Variants in DAB2IP observed in about 807,000 individuals in gnomAD.
The protein encoded by DAB2IP is disabled homolog 2-interacting protein.
A neutral mutation model predicts 107.2 loss-of-function variants in DAB2IP; 28 were observed. The observed-to-expected ratio is 0.26, with a 90% CI of 0.19 to 0.36. DAB2IP has a LOEUF of 0.36. DAB2IP is among the 10% of genes least tolerant of loss of function. The probability of loss-of-function intolerance (pLI) is 1.00; values close to 1 mark genes in which losing one functional copy is unlikely to be tolerated. For synonymous variants in DAB2IP, 755 were observed against 706.4 expected, an observed-to-expected ratio of 1.07 and a Z score of -1.09; for missense variants, 1,400 against 1,644.7, an observed-to-expected ratio of 0.85 and a Z score of 2.57.
Position 121,651,892 on chromosome 9 carries a change from T to C in DAB2IP, c.117T>C (p.Pro39=). The change falls in exon 1 of 16, where the codon CCT becomes CCC. Residue 39 remains proline, a synonymous_variant. Coordinates refer to ENST00000408936, the Ensembl canonical transcript of DAB2IP. This position sits in a 1 kb window ranked among gnomAD's most constrained non-coding sequence, Gnocchi z 5.1. ...GCCGCTCCCGCAGCCGGACCCGGCC[T>C]GCCAGGGGTAGGCGCCACCCCGACC... 1 of 1,407,658 alleles carries C rather than the reference T, an allele frequency of 7.1e-7. No homozygotes were observed. The highest frequency in any genetic ancestry group is 9.3e-7 in the Non-Finnish European group (1 of 1,074,330). The allele number at this position is 1,407,658 out of a possible 1,614,324, so 87.2% of individuals were successfully genotyped here. A position where few individuals can be genotyped will look rare whatever the true frequency, so the allele number is the denominator to read the frequency against.
chr9:121,757,312 C>T (rs1293245441), intron 4 of DAB2IP, 146 bp downstream of exon 4: 1 of 1,067,648 alleles, frequency 9.4e-7, no homozygotes, highest in African/African-American at 1.9e-5. Context: ...TTACCGATAG[C>T]TTTCAGCTCC....
chr9:121,592,832 C>A (rs1830444134), intron 1 of DAB2IP, among the ~76,000 whole-genome samples: 1 of 152,120 alleles, frequency 6.6e-6, no homozygotes, highest in Non-Finnish European at 1.5e-5. Flanking sequence ...TGGAAGCTGA[C>A]AAGGAAAAGA....
At chr9:121,759,388 C>G (rs971245979) in intron 5 of DAB2IP, among the ~76,000 whole-genome samples, 1 of 152,174 alleles carries the variant, frequency 6.6e-6, no homozygotes, top group Non-Finnish European at 1.5e-5. Flanking sequence ...CTCTGTGTTC[C>G]CACTGCCCCT....
intron 3 of DAB2IP, among the ~76,000 whole-genome samples, chr9:121,739,969 G>A (rs1832215551): frequency 6.6e-6 from 1 of 152,208 alleles, no homozygotes. Context: ...GGTTCACGGG[G>A]TAGTAAGGCA....
At position 121,773,239 on chromosome 9, in the gene DAB2IP, C is replaced by T. The variant is rs183735294; in HGVS notation, c.2711C>T (p.Thr904Met). The T allele has an allele frequency of 4.3e-4, 660 of 1,552,118 alleles. 5 individuals are homozygous for T. In the South Asian group the frequency reaches 4.5e-3, roughly 11 times the overall value. The change falls in exon 12 of 16, where the codon ACG becomes ATG. Residue 904 changes from threonine (T) to methionine (M), a missense_variant. By Grantham distance (81) the Thr-to-Met change is moderately conservative (BLOSUM62 -1). Transcript: ENST00000408936. ...CTGACTGAAAAAGGCGGGCAGCCCA[C>T]GGTGCCACGGCAGAACAGTGCTGGC...
chr9:121,605,349 T>G (rs1407224398), intron 1 of DAB2IP, among the ~76,000 whole-genome samples: 3 of 152,132 alleles, frequency 2.0e-5, no homozygotes, highest in Non-Finnish European at 4.4e-5. Context: ...GATCTGCTTC[T>G]TAAAAAAAAC....
intron 1 of DAB2IP, among the ~76,000 whole-genome samples, chr9:121,661,761 T>A (rs1396107389): frequency 6.6e-6 from 1 of 152,092 alleles, no homozygotes; most frequent in East Asian, 1.9e-4. Context: ...GGCGGGAGGA[T>A]CACTTGAGGC....
At position 121,760,022 on chromosome 9, in the gene DAB2IP, G is replaced by A. The variant is rs758002004; in HGVS notation, c.753G>A (p.Thr251=). 34 of 1,614,058 alleles carry A rather than the reference G, an allele frequency of 2.1e-5. No homozygotes were observed. Among genetic ancestry groups the A allele is most frequent in the Non-Finnish European group, 2.5e-5 (30 of 1,180,050 alleles). Residue 251 remains threonine, a synonymous_variant, in exon 6 of 16, where the codon ACG becomes ACA. Coordinates refer to ENST00000408936, the Ensembl canonical transcript of DAB2IP. This position sits in a 1 kb window ranked among gnomAD's most constrained non-coding sequence, Gnocchi z 5.9. ...CCCGCACCACGGGCAAGCTCAAGAC[G>A]GACAATGTTTTCTGGGGCGAGCACT...
chr9:121,589,522 A>G (rs1391266605), intron 1 of DAB2IP, among the ~76,000 whole-genome samples: 2 of 152,102 alleles, frequency 1.3e-5, no homozygotes, highest in Admixed American at 6.5e-5. Flanking sequence ...CAAGGCTGGT[A>G]GCAGAGCCGC....
chr9:121,781,383 G>A, intron 14 of DAB2IP, 81 bp from the exon 15 acceptor site: 2 of 1,349,314 alleles, frequency 1.5e-6, no homozygotes, highest in South Asian at 1.2e-5. Flanking sequence ...GCTGTGTGCG[G>A]GGGTGATGGG....
chr9:121,760,100 G>A lies in DAB2IP; in HGVS notation c.831G>A (p.Arg277=), dbSNP rs144040487. 92 of 1,613,894 alleles carry A rather than the reference G, an allele frequency of 5.7e-5. No homozygotes were observed. Among genetic ancestry groups the A allele is most frequent in the Non-Finnish European group, 7.6e-5 (90 of 1,180,040 alleles). Residue 277 remains arginine (R), a synonymous_variant, in exon 6 of 16, where the codon CGG becomes CGA. Transcript: ENST00000408936. This position sits in a 1 kb window ranked among gnomAD's most constrained non-coding sequence, Gnocchi z 5.9. ...GCACGGTCACTGTCCACCTGTACCG[G>A]GAGACCGACAAGAAGAAGAAGAAGG... is the stretch of plus-strand genomic sequence containing the variant.
chr9:121,671,474 T>A (rs1833679502), intron 1 of DAB2IP, among the ~76,000 whole-genome samples: 1 of 152,216 alleles, frequency 6.6e-6, no homozygotes, highest in South Asian at 2.1e-4. Context: ...TATTCACAGG[T>A]TCTGGGAATT....
At chr9:121,778,707 G>A (rs1447872076) in intron 14 of DAB2IP, among the ~76,000 whole-genome samples, 2 of 152,168 alleles carry the variant, frequency 1.3e-5, no homozygotes, top group African/African-American at 4.8e-5. Flanking sequence ...TATTGCAACT[G>A]TTCAGCTCTG....
At chr9:121,584,652 A>G (rs1156735728) in intron 1 of DAB2IP, among the ~76,000 whole-genome samples, 1 of 152,184 alleles carries the variant, frequency 6.6e-6, no homozygotes, top group African/African-American at 2.4e-5. Context: ...ATCTGAAAGT[A>G]GGTTTTGTTG....
chr9:121,709,762 G>C (rs1461955606), intron 3 of DAB2IP, among the ~76,000 whole-genome samples: 10 of 152,180 alleles, frequency 6.6e-5, no homozygotes, highest in Non-Finnish European at 1.5e-5. Context: ...CATCATCTCT[G>C]ATTTTCTTGA....
chr9:121,680,994 C>G (rs995711722), intron 2 of DAB2IP, among the ~76,000 whole-genome samples: 1 of 152,116 alleles, frequency 6.6e-6, no homozygotes, highest in African/African-American at 2.4e-5. Flanking sequence ...CCTACCACCT[C>G]GGCCTCTCAA....
chr9:121,684,183 T>A lies in DAB2IP; in HGVS notation c.228+5402T>A, dbSNP rs1828739024. Reference sequence around the variant, plus strand: ...ATGTGAACACAAACATGCAAGCTAGTGGGTGACCCTCCCGCCCATGTCACC... The same window carrying A: ...ATGTGAACACAAACATGCAAGCTAGAGGGTGACCCTCCCGCCCATGTCACC... On this transcript the variant is annotated intron_variant, in intron 2 of 15. Coordinates refer to ENST00000408936, the Ensembl canonical transcript of DAB2IP. The surrounding 1 kb of genome is among the most constrained non-coding windows in gnomAD (Gnocchi z 4.0). 6.6e-6 allele frequency among the ~76,000 whole-genome samples: 1 copy of A among 152,152 alleles called. No homozygotes were observed.
At chr9:121,703,027 G>A (rs1829863520) in intron 3 of DAB2IP, among the ~76,000 whole-genome samples, 1 of 152,174 alleles carries the variant, frequency 6.6e-6, no homozygotes, top group South Asian at 2.1e-4. Context: ...TGGAGTTAGG[G>A]ATCGATTCCC....
At chr9:121,733,557 G>T (rs762469785) in intron 3 of DAB2IP, among the ~76,000 whole-genome samples, 21 of 152,210 alleles carry the variant, frequency 1.4e-4, no homozygotes, top group Non-Finnish European at 2.4e-4. Context: ...CATCACTCAC[G>T]TATGGAATCC....
Sources: allele counts gnomAD v4.1 joint callset (sites outside exome capture counted in the v4.1 genomes callset), GRCh38; gene constraint gnomAD v4.1.1; non-coding constraint Gnocchi (gnomAD v3.1); transcripts MANE v1.5; gene names NCBI Gene and HGNC (gene_info 2026-07-23, HGNC 2026-07-21).